EBF3: variants seen among roughly 807,000 people sequenced by gnomAD.
EBF3 encodes transcription factor COE3.
A neutral mutation model predicts 77.1 loss-of-function variants in EBF3; 18 were observed. The ratio of observed to expected loss-of-function variants is 0.23; its 90% CI spans 0.16 to 0.35. The LOEUF (loss-of-function observed/expected upper bound fraction) is 0.35. EBF3 is among the 10% of genes least tolerant of loss of function. The pLI, the probability that EBF3 is intolerant of heterozygous loss-of-function variation, is 1.00. For missense variants in EBF3, 558 were observed against 860.0 expected (o/e 0.65, Z 4.39); for synonymous variants, 350 against 343.5 (o/e 1.02, Z -0.21).
At chr10:129,859,414 A>G (rs1851468339) in intron 10 of EBF3, among the ~76,000 whole-genome samples, 1 of 152,194 alleles carries the variant, frequency 6.6e-6, no homozygotes, top group African/African-American at 2.4e-5. Flanking sequence ...TAGTAGAGAC[A>G]GGGTTTTACC....
In EBF3 at chr10:129,960,934, G is replaced by A. The variant is rs192174199; in HGVS notation, c.411+1237C>T. Among the ~76,000 whole-genome samples, 450 of 152,218 alleles carry A rather than the reference G, an allele frequency of 3.0e-3. 4 individuals carry two copies. The highest frequency in any genetic ancestry group is 0.01 in the African/African-American group (417 of 41,550). ...CTCTGAATCGAGTGAAATAATTACA[G>A]AAGGGCACACCGCCTCTGTCTTTGT... On this transcript the variant is annotated intron_variant, in intron 4 of 16. Coordinates refer to ENST00000440978, the MANE Select transcript of EBF3 (RefSeq NM_001375380.1).
chr10:129,948,622 T>TG (rs1370496252), intron 6 of EBF3, among the ~76,000 whole-genome samples: 4 of 1,844 alleles, frequency 2.2e-3, no homozygotes, highest in African/African-American at 3.4e-3. Context: ...TGGGGGAAAC[T>TG]GGGGGGTGGG....
chr10:129,959,220 C>G (rs1859284415), intron 4 of EBF3, among the ~76,000 whole-genome samples: 2 of 152,096 alleles, frequency 1.3e-5, no homozygotes, highest in Non-Finnish European at 2.9e-5. Context: ...CCAGCCTCCT[C>G]CCCCGGGCGC....
rs147862113 is a variant in EBF3, at chr10:129,897,409, C to T, written c.555-19560G>A. Among the ~76,000 whole-genome samples the T allele has an allele frequency of 5.3e-3, 812 of 152,252 alleles. 11 individuals carry two copies. The highest frequency in any genetic ancestry group is 0.018 in the African/African-American group (761 of 41,542). On this transcript the variant is annotated intron_variant, in intron 6 of 16. Coordinates refer to ENST00000440978, the MANE Select transcript of EBF3 (RefSeq NM_001375380.1). The surrounding 1 kb of genome is among the most constrained non-coding windows in gnomAD (Gnocchi z 4.6). ...CCAGCGGTGCCACCCATCTGGAAGG[C>T]GGTGCTGCAAAACCCTGAGGTGCAT...
At chr10:129,922,617 G>A (rs1029666707) in intron 6 of EBF3, among the ~76,000 whole-genome samples, 11 of 152,232 alleles carry the variant, frequency 7.2e-5, no homozygotes, top group Admixed American at 2.0e-4. Flanking sequence ...GGCTCTCGCC[G>A]TCCTTGCACG....
intron 6 of EBF3, among the ~76,000 whole-genome samples, chr10:129,925,194 C>T (rs1220529334): frequency 6.6e-6 from 1 of 151,440 alleles, no homozygotes; most frequent in Non-Finnish European, 1.5e-5. Context: ...AATCCCAGCA[C>T]TTTGGGAGGC....
At chr10:129,960,039 G>C (rs897461909) in intron 4 of EBF3, among the ~76,000 whole-genome samples, 11 of 151,724 alleles carry the variant, frequency 7.3e-5, no homozygotes, top group Admixed American at 2.0e-4. Context: ...CCGCCGCTGG[G>C]AACCCGAGCT....
intron 4 of EBF3, among the ~76,000 whole-genome samples, chr10:129,959,740 C>A (rs1462066608): frequency 6.6e-6 from 1 of 151,838 alleles, no homozygotes; most frequent in Non-Finnish European, 1.5e-5. Context: ...GGAGCCCAGG[C>A]GGGAGGCCCA....
intron 6 of EBF3, among the ~76,000 whole-genome samples, chr10:129,889,340 C>T (rs1427460718): frequency 6.6e-6 from 1 of 152,212 alleles, no homozygotes; most frequent in Non-Finnish European, 1.5e-5. Flanking sequence ...GAGGGCTTCT[C>T]GGACGGGCCT....
In EBF3 at chr10:129,963,528, G is replaced by A; in HGVS notation, c.135-5C>T. On this transcript the variant is annotated splice_region_variant and splice_polypyrimidine_tract_variant and intron_variant, in intron 1 of 16. Transcript: ENST00000440978. The surrounding 1 kb of genome is among the most constrained non-coding windows in gnomAD (Gnocchi z 7.1). Reference sequence around the variant, plus strand: ...GCCCGCGCCAGCCCCACGCCGCTGCGGGAGGAAAGAGACAGCGGCCCGGTG... The same window carrying A: ...GCCCGCGCCAGCCCCACGCCGCTGCAGGAGGAAAGAGACAGCGGCCCGGTG... The A allele has an allele frequency of 6.6e-7, 1 of 1,525,756 alleles. No individual in the cohort carries two copies. The highest frequency in any genetic ancestry group is 1.9e-5 in the Admixed American group (1 of 51,964). 94.5% of individuals were successfully genotyped at this position (1,525,756 alleles called of 1,614,324 possible).
intron 6 of EBF3, among the ~76,000 whole-genome samples, chr10:129,933,456 C>A (rs1857162017): frequency 6.6e-6 from 1 of 152,216 alleles, no homozygotes; most frequent in African/African-American, 2.4e-5. Context: ...GGGCTCAAAC[C>A]AGCCTGCACA....
intron 6 of EBF3, 26 bp from the exon 7 acceptor site, chr10:129,877,875 T>C (rs1852904448): frequency 6.4e-7 from 1 of 1,569,070 alleles, no homozygotes; most frequent in South Asian, 1.1e-5. Flanking sequence ...AAAGATGATA[T>C]TTATTAGGGT....
At chr10:129,847,821 C>T (rs938780653) in intron 11 of EBF3, among the ~76,000 whole-genome samples, 24 of 152,170 alleles carry the variant, frequency 1.6e-4, no homozygotes, top group African/African-American at 5.3e-4. Flanking sequence ...GCATAAACAA[C>T]GCGGGCAGCT....
chr10:129,933,666 C>A (rs1207449196), intron 6 of EBF3, among the ~76,000 whole-genome samples: 1 of 152,190 alleles, frequency 6.6e-6, no homozygotes, highest in Admixed American at 6.5e-5. Context: ...TTCCTAAGGC[C>A]CCATACCAAC....
intron 6 of EBF3, among the ~76,000 whole-genome samples, chr10:129,950,215 T>G (rs1042274932): frequency 4.6e-5 from 7 of 152,158 alleles, no homozygotes; most frequent in African/African-American, 1.7e-4. Flanking sequence ...CCCCTTCCTT[T>G]CCGCACATGT....
chr10:129,945,142 A>G (rs886125828), intron 6 of EBF3, among the ~76,000 whole-genome samples: 15 of 22,516 alleles, frequency 6.7e-4, no homozygotes, highest in Admixed American at 1.5e-3. Context: ...CAGGGAGGGG[A>G]GGGGAGGGGA....
At chr10:129,951,567 C>T (rs1858684382) in intron 6 of EBF3, among the ~76,000 whole-genome samples, 1 of 152,254 alleles carries the variant, frequency 6.6e-6, no homozygotes, top group African/African-American at 2.4e-5. Context: ...GGGTGTGTAG[C>T]TTGTTTTCAA....
At chr10:129,932,975 A>G (rs954824537) in intron 6 of EBF3, among the ~76,000 whole-genome samples, 3 of 149,116 alleles carry the variant, frequency 2.0e-5, no homozygotes, top group African/African-American at 7.4e-5. Flanking sequence ...GACTGGGTAC[A>G]GTGAGATTGC....
intron 6 of EBF3, among the ~76,000 whole-genome samples, chr10:129,908,463 T>C (rs1263883555): frequency 6.6e-6 from 1 of 152,154 alleles, no homozygotes; most frequent in African/African-American, 2.4e-5. Flanking sequence ...TCCTGGGCAA[T>C]GGTTATTGGA....
Sources: allele counts gnomAD v4.1 joint callset (sites outside exome capture counted in the v4.1 genomes callset), GRCh38; gene constraint gnomAD v4.1.1; non-coding constraint Gnocchi (gnomAD v3.1); transcripts MANE v1.5; gene names NCBI Gene and HGNC (gene_info 2026-07-23, HGNC 2026-07-21).